The following PRDM10 variants were observed in gnomAD, a reference collection of about 807,000 sequenced individuals.
PRDM10 encodes the protein PR/SET domain 10.
PRDM10 carries 65 observed loss-of-function variants against 133.1 expected under a neutral mutation model. The ratio of observed to expected loss-of-function variants is 0.49; its 90% confidence interval spans 0.40 to 0.60. The LOEUF is 0.60. Ranked by LOEUF, PRDM10 falls within the 20% of genes least tolerant of loss-of-function variation. The probability of loss-of-function intolerance (pLI) is 0.00; values close to 1 mark genes in which losing one functional copy is unlikely to be tolerated. For synonymous variants in PRDM10, 582 were observed against 580.4 expected, an observed-to-expected ratio of 1.00 and a Z score of -0.04; for missense variants, 1,137 against 1,507.1, an observed-to-expected ratio of 0.75 and a Z score of 4.07.
intron 1 of PRDM10, among the ~76,000 whole-genome samples, chr11:129,966,281 C>T (rs1468396312): frequency 6.6e-6 from 1 of 152,084 alleles, no homozygotes; most frequent in Admixed American, 6.5e-5. Flanking sequence ...ATCCAAATTA[C>T]CTGCCCTGCA....
intron 1 of PRDM10, among the ~76,000 whole-genome samples, chr11:129,963,395 AG>A (rs1190665250): frequency 8.8e-6 from 1 of 113,798 alleles, no homozygotes; most frequent in Admixed American, 9.1e-5. Context: ...AGAAGAGAAG[AG>A]AAGAGAAGAG....
chr11:129,996,410 AG>A (rs1354573057), intron 1 of PRDM10, among the ~76,000 whole-genome samples: 1 of 152,218 alleles, frequency 6.6e-6, no homozygotes, highest in Non-Finnish European at 1.5e-5. Context: ...ATATTTGAAA[AG>A]ACTCAAAAGA....
At chr11:129,994,426 A>G (rs928704688) in intron 1 of PRDM10, among the ~76,000 whole-genome samples, 1 of 147,500 alleles carries the variant, frequency 6.8e-6, no homozygotes, top group Admixed American at 6.9e-5. Context: ...AGATCGCACC[A>G]CTGCACTCCA....
chr11:129,928,373 ATGTT>A (rs1413989082), intron 11 of PRDM10, among the ~76,000 whole-genome samples: 1 of 149,974 alleles, frequency 6.7e-6, no homozygotes, highest in Non-Finnish European at 1.5e-5. Context: ...TCAAACAATC[ATGTT>A]TGTTGATTTG....
intron 4 of PRDM10, among the ~76,000 whole-genome samples, chr11:129,949,892 CCATTGCA>C (rs1951535980): frequency 6.6e-6 from 1 of 151,274 alleles, no homozygotes. Context: ...TGAGATCACG[CCATTGCA>C]CTCCAGCCTG....
intron 1 of PRDM10, among the ~76,000 whole-genome samples, chr11:129,972,085 C>T (rs1479439715): frequency 1.3e-5 from 2 of 152,260 alleles, no homozygotes; most frequent in Non-Finnish European, 2.9e-5. Flanking sequence ...CCTCACTGCC[C>T]GGGGCGGCAA....
At chr11:130,002,373 C>G (rs1939466467) in intron 1 of PRDM10, among the ~76,000 whole-genome samples, 1 of 152,070 alleles carries the variant, frequency 6.6e-6, no homozygotes, top group South Asian at 2.1e-4. Flanking sequence ...GACGAGACGC[C>G]GAGGCCGGCG....
At chr11:129,920,008 C>G (rs1327522755) in intron 13 of PRDM10, among the ~76,000 whole-genome samples, 1 of 152,284 alleles carries the variant, frequency 6.6e-6, no homozygotes, top group Non-Finnish European at 1.5e-5. Context: ...GGACACTGCC[C>G]TACGTGACAG....
Position 129,923,922 on chromosome 11 carries a change from T to C in PRDM10, c.1879-519A>G, listed in dbSNP as rs945442677. Among the ~76,000 whole-genome samples, 4 of 152,264 alleles carry C rather than the reference T, an allele frequency of 2.6e-5. No individual in the cohort carries two copies. Among genetic ancestry groups the C allele is most frequent in the Non-Finnish European group, 4.4e-5 (3 of 68,048 alleles). The stretch of plus-strand genomic sequence containing the variant: ...AGTTCTGAAGAATTAAAGACATGAA[T>C]GAGTGGATACAGAAGACATTACCGG... On this transcript the variant is annotated intron_variant, in intron 12 of 20. Coordinates refer to ENST00000360871, the MANE Select transcript of PRDM10 (RefSeq NM_199437.2). The surrounding 1 kb of genome is among the most constrained non-coding windows in gnomAD (Gnocchi z 4.4).
chr11:129,959,019 G>A (rs375416634), intron 2 of PRDM10, among the ~76,000 whole-genome samples: 7 of 152,344 alleles, frequency 4.6e-5, no homozygotes, highest in African/African-American at 1.7e-4. Context: ...ACACATTTGG[G>A]AGAGAAATAA....
chr11:129,906,494 C>T (rs151018224), intron 19 of PRDM10, among the ~76,000 whole-genome samples: 1 of 152,318 alleles, frequency 6.6e-6, no homozygotes, highest in Non-Finnish European at 1.5e-5. Context: ...GACGTGCACA[C>T]ACAACCCTAT....
At chr11:129,944,175 T>G (rs1951312383) in intron 6 of PRDM10, among the ~76,000 whole-genome samples, 1 of 152,132 alleles carries the variant, frequency 6.6e-6, no homozygotes, top group South Asian at 2.1e-4. Context: ...AACTTCCAGC[T>G]TCCGGAACAG....
rs937375666 is a variant in PRDM10 at position 129,962,337 on chromosome 11, G to A, written c.-118-1255C>T. Among the ~76,000 whole-genome samples, 13 of 152,186 alleles carry A rather than the reference G, an allele frequency of 8.5e-5. No individual in the cohort carries two copies. The South Asian group carries it at 2.5e-3, about 29-fold the overall frequency. The stretch of plus-strand genomic sequence containing the variant: ...CAAAGAAGAAAGAAAGAGAAGGTAC[G>A]TGAACTTCGAAAGTCTGTGCCCAAC... On this transcript the variant is annotated intron_variant, in intron 1 of 20. Coordinates refer to ENST00000360871, the MANE Select transcript of PRDM10 (RefSeq NM_199437.2).
rs1315767795 is a variant in PRDM10 at position 129,957,850 on chromosome 11, G to A, written c.130C>T (p.Arg44Cys). ...AQIVYTDDQV[R>C]PPQQVVYTAD... is the part of the protein sequence containing the mutation. ...GTGTACACCACCTGCTGTGGGGGGCGAACCTGGTCATCGGTATAGACAATC... is the reference window on the plus strand; with the variant it reads ...GTGTACACCACCTGCTGTGGGGGGCAAACCTGGTCATCGGTATAGACAATC... Residue 44 changes from arginine (R) to cysteine (C), a missense_variant, in exon 3 of 21, where the codon CGC becomes TGC. Arg to Cys is a radical substitution (Grantham distance 180, BLOSUM62 -3). Coordinates refer to ENST00000360871, the MANE Select transcript of PRDM10 (RefSeq NM_199437.2). The A allele has an allele frequency of 3.1e-6, 5 of 1,614,016 alleles. No individual in the cohort carries two copies. Among genetic ancestry groups the A allele is most frequent in the Non-Finnish European group, 3.4e-6 (4 of 1,180,002 alleles).
intron 4 of PRDM10, among the ~76,000 whole-genome samples, chr11:129,953,700 C>T (rs1225753654): frequency 3.3e-5 from 5 of 151,456 alleles, no homozygotes; most frequent in Non-Finnish European, 7.4e-5. Context: ...TGTTTTTCCA[C>T]TTTTACAAAA....
intron 1 of PRDM10, among the ~76,000 whole-genome samples, chr11:129,978,641 T>C (rs1338901295): frequency 6.6e-6 from 1 of 152,184 alleles, no homozygotes; most frequent in Non-Finnish European, 1.5e-5. Context: ...CTCCATGAAG[T>C]GTCCCTTTGC....
intron 8 of PRDM10, among the ~76,000 whole-genome samples, chr11:129,936,508 C>T (rs1345732430): frequency 6.6e-6 from 1 of 151,994 alleles, no homozygotes; most frequent in Admixed American, 6.6e-5. Flanking sequence ...AAAAAATTAG[C>T]CAGGCATGGT....
intron 4 of PRDM10, among the ~76,000 whole-genome samples, chr11:129,955,004 G>C (rs1391749076): frequency 6.6e-6 from 1 of 152,160 alleles, no homozygotes; most frequent in East Asian, 1.9e-4. Flanking sequence ...CAGGAAATAA[G>C]GAGGAAGTCA....
intron 13 of PRDM10, among the ~76,000 whole-genome samples, chr11:129,920,778 T>A (rs184655511): frequency 6.6e-6 from 1 of 151,978 alleles, no homozygotes; most frequent in Non-Finnish European, 1.5e-5. Context: ...AGGTCTCCCC[T>A]ATACCCCAAA....
Sources: allele counts gnomAD v4.1 joint callset (sites outside exome capture counted in the v4.1 genomes callset), GRCh38; gene constraint gnomAD v4.1.1; non-coding constraint Gnocchi (gnomAD v3.1); transcripts MANE v1.5; gene names NCBI Gene and HGNC (gene_info 2026-07-23, HGNC 2026-07-21).